The following SETMAR variants were observed in gnomAD, a reference collection of about 807,000 sequenced individuals.
SETMAR encodes histone-lysine N-methyltransferase SETMAR.
A neutral mutation model predicts 58.4 loss-of-function variants in SETMAR; 44 were observed. The ratio of observed to expected loss-of-function variants is 0.75; its 90% CI spans 0.59 to 0.97. The LOEUF is 0.97. Ranked by LOEUF, SETMAR falls within the 50% of genes least tolerant of loss-of-function variation. The probability of loss-of-function intolerance (pLI) is 0.00; values close to 1 mark genes in which losing one functional copy is unlikely to be tolerated. For synonymous variants in SETMAR, 332 were observed against 307.4 expected (o/e 1.08, Z -0.84); for missense variants, 903 against 840.2 (o/e 1.07, Z -0.92).
In SETMAR at chr3:4,313,046, T is replaced by G; in HGVS notation, c.305T>G (p.Leu102Arg). The change falls in exon 2 of 3, where the codon CTT becomes CGT. Residue 102 changes from leucine (L) to arginine (R), a missense_variant. Transcript: ENST00000358065. ...HGENYDDNSCLRDIGSGGKYA... is the reference protein window; with the variant it reads ...HGENYDDNSCRRDIGSGGKYA... The stretch of plus-strand genomic sequence containing the variant: ...GAGAACTATGATGATAACTCATGCC[T>G]TAGAGATATAGGATCTGGAGGAAAG... The G allele has an allele frequency of 6.2e-7, 1 of 1,613,932 alleles. No individual in the cohort carries two copies. The highest frequency in any genetic ancestry group is 8.5e-7 in the Non-Finnish European group (1 of 1,179,910).
Position 4,313,090 on chromosome 3 carries a change from G to C in SETMAR, c.349G>C (p.Glu117Gln), listed in dbSNP as rs147670471. 98 of 1,613,832 alleles carry C rather than the reference G, an allele frequency of 6.1e-5. No individual in the cohort carries two copies. Among genetic ancestry groups the C allele is most frequent in the Non-Finnish European group, 8.0e-5 (94 of 1,179,954 alleles). The change falls in exon 2 of 3, where the codon GAA becomes CAA. Residue 117 changes from glutamate (E) to glutamine (Q), a missense_variant. Coordinates refer to ENST00000358065, the MANE Select transcript of SETMAR (RefSeq NM_006515.4). ...AGGAAAGTATGCAGAGCCTGTTTTT[G>C]AATGCAATGTCCTGTGCCGATGCAG... ...SGGKYAEPVF[E>Q]CNVLCRCSDH...
chr3:4,311,892 A>T (rs905943001), intron 1 of SETMAR, among the ~76,000 whole-genome samples: 1 of 152,248 alleles, frequency 6.6e-6, no homozygotes, highest in Non-Finnish European at 1.5e-5. Context: ...CATGAGAGAT[A>T]CTTTAATCTG....
rs993427764 is a variant in SETMAR at position 4,303,425 on chromosome 3, G to A, written c.55G>A (p.Glu19Lys). 3 of 1,554,732 alleles carry A rather than the reference G, an allele frequency of 1.9e-6. No homozygotes were observed. The highest frequency in any genetic ancestry group is 2.6e-6 in the Non-Finnish European group (3 of 1,155,648). Reference sequence around the variant, plus strand: ...GCCTTGTGGGATGGCGGAGTTTAAGGAGAAGCCTGAGGCCCCGACTGAGCA... The same window carrying A: ...GCCTTGTGGGATGGCGGAGTTTAAGAAGAAGCCTGAGGCCCCGACTGAGCA... ...TRPCGMAEFK[E>K]KPEAPTEQLD... is the part of the protein sequence containing the mutation. The change falls in exon 1 of 3, where the codon GAG (glutamate) becomes AAG (lysine). Residue 19 changes from glutamate to lysine, a missense_variant. By Grantham distance (56) the Glu-to-Lys change is moderately conservative. Transcript: ENST00000358065.
At chr3:4,311,189 A>G (rs1448108705) in intron 1 of SETMAR, among the ~76,000 whole-genome samples, 1 of 152,100 alleles carries the variant, frequency 6.6e-6, no homozygotes, top group Admixed American at 6.5e-5. Context: ...GAGGATGTCA[A>G]TCCTCCCCAG....
intron 1 of SETMAR, among the ~76,000 whole-genome samples, chr3:4,305,534 G>C (rs941785448): frequency 3.3e-5 from 5 of 152,178 alleles, no homozygotes; most frequent in African/African-American, 1.2e-4. Context: ...AAAAGAGGGG[G>C]AAAGGGGATT....
Sources: gnomAD v4.1 joint callset for allele counts (sites outside exome capture counted in the v4.1 genomes callset) on GRCh38, gnomAD v4.1.1 for gene constraint, MANE v1.5 for transcripts, NCBI Gene and HGNC (gene_info 2026-07-23, HGNC 2026-07-21) for gene names.